The following MLEC variants were observed in gnomAD, a reference collection of about 807,000 sequenced individuals.
MLEC encodes malectin, also known as oligosaccharyltransferase complex subunit (non-catalytic).
MLEC carries 7 observed loss-of-function variants against 28.7 expected under a neutral mutation model. The observed-to-expected ratio is 0.24, with a 90% CI of 0.14 to 0.46. The LOEUF is 0.46. Among genes scored for constraint, MLEC ranks in the 20% least tolerant of loss-of-function variants. The pLI is 0.99. For synonymous variants in MLEC, 142 were observed against 164.4 expected (o/e 0.86, Z 1.04); for missense variants, 237 against 391.1 (o/e 0.61, Z 3.32).
At chr12:120,688,309 T>G (rs954902192) in intron 1 of MLEC, among the ~76,000 whole-genome samples, 1 of 152,162 alleles carries the variant, frequency 6.6e-6, no homozygotes, top group Admixed American at 6.5e-5. Context: ...TTCCCAAAGT[T>G]AGTGTGTGTC....
In MLEC at chr12:120,687,212, G is replaced by C; in HGVS notation, c.-85G>C. On this transcript the variant is annotated 5_prime_UTR_variant, in exon 1 of 5. Transcript: ENST00000228506. The surrounding 1 kb of genome is among the most constrained non-coding windows in gnomAD (Gnocchi z 8.1). ...CGGCGGCTCAGGCGGAGCGGCCCGT[G>C]GCGCTGTTTTTCTGAGTCCGGGGTG... 2.3e-6 allele frequency: 3 copies of C among 1,298,728 alleles called. No homozygotes were observed. 80.5% of individuals were successfully genotyped at this position (1,298,728 alleles called of 1,614,324 possible).
rs764823024 is a variant in MLEC at position 120,696,434 on chromosome 12, A to G, written c.768A>G (p.Ser256=). The change falls in exon 5 of 5, where the codon TCA becomes TCG. Residue 256 remains serine (S), a synonymous_variant. Coordinates refer to ENST00000228506, the MANE Select transcript of MLEC (RefSeq NM_014730.4). The surrounding 1 kb of genome is among the most constrained non-coding windows in gnomAD (Gnocchi z 5.4). ...AGACCAATAAGAACCGGGTGCAGTC[A>G]GGCCCCCGCACACCCAACCCCTATG... ...KKQTNKNRVQ[S]GPRTPNPYAS... 6.2e-7 allele frequency: 1 copy of G among 1,614,180 alleles called. No individual in the cohort carries two copies.
At position 120,694,197 on chromosome 12, in the gene MLEC, C is replaced by T. The variant is rs764401847; in HGVS notation, c.342C>T (p.Pro114=). The T allele has an allele frequency of 6.2e-6, 10 of 1,614,006 alleles. No homozygotes were observed. The East Asian group carries it at 1.8e-4, about 29-fold the overall frequency. ...YNEETFGYEV[P]IKEEGDYVLV... ...AGGAGACCTTTGGCTACGAAGTGCC[C>T]ATCAAAGAGGAGGGGGACTACGTGC... Residue 114 remains proline, a synonymous_variant, in exon 2 of 5, where the codon CCC becomes CCT. Transcript: ENST00000228506. This position sits in a 1 kb window ranked among gnomAD's most constrained non-coding sequence, Gnocchi z 4.5.
At position 120,687,159 on chromosome 12, in the gene MLEC, A is replaced by G. The variant is rs1254126937; in HGVS notation, c.-138A>G. 3 of 966,224 alleles carry G rather than the reference A, an allele frequency of 3.1e-6. No individual in the cohort carries two copies. The highest frequency in any genetic ancestry group is 8.3e-5 in the South Asian group (2 of 24,066). The allele number at this position is 966,224 out of a possible 1,614,324, so 59.9% of individuals were successfully genotyped here. A position where few individuals can be genotyped will look rare whatever the true frequency, so the allele number is the denominator to read the frequency against. Reference sequence around the variant, plus strand: ...TGGGAGGCGGTACCCGTGGCTGAGAAGAAGGAGGCCTGAGAGCGACATGTC... The same window carrying G: ...TGGGAGGCGGTACCCGTGGCTGAGAGGAAGGAGGCCTGAGAGCGACATGTC... On this transcript the variant is annotated 5_prime_UTR_variant, in exon 1 of 5. Coordinates refer to ENST00000228506, the MANE Select transcript of MLEC (RefSeq NM_014730.4). This position sits in a 1 kb window ranked among gnomAD's most constrained non-coding sequence, Gnocchi z 8.1.
chr12:120,687,334 C>T lies in MLEC; in HGVS notation c.38C>T (p.Ala13Val), dbSNP rs781308496. The change falls in exon 1 of 5, where the codon GCG becomes GTG. Residue 13 changes from alanine to valine, a missense_variant. Ala to Val is a moderately conservative substitution (Grantham distance 64). Coordinates refer to ENST00000228506, the MANE Select transcript of MLEC (RefSeq NM_014730.4). The surrounding 1 kb of genome is among the most constrained non-coding windows in gnomAD (Gnocchi z 8.1). ...GAWAVEGTAV[A>V]LLRLLLLLLP... ...TGGGCGGTTGAGGGAACCGCTGTGGCGCTCCTGCGACTGCTGCTGCTGCTG... is the reference window on the plus strand; with the variant it reads ...TGGGCGGTTGAGGGAACCGCTGTGGTGCTCCTGCGACTGCTGCTGCTGCTG... 1.7e-5 allele frequency: 24 copies of T among 1,395,248 alleles called. No individual in the cohort carries two copies. In the South Asian group the frequency reaches 4.1e-4, roughly 24 times the overall value. The allele number at this position is 1,395,248 out of a possible 1,614,324, so 86.4% of individuals were successfully genotyped here.
At position 120,687,541 on chromosome 12, in the gene MLEC, C is replaced by A; in HGVS notation, c.235+10C>A. On this transcript the variant is annotated intron_variant, in intron 1 of 4. Transcript: ENST00000228506. The surrounding 1 kb of genome is among the most constrained non-coding windows in gnomAD (Gnocchi z 8.1). ...GGCCGGGTGGGCCGAGGTGAGAGTC[C>A]CCCTGCCGAGCCGCGGGATCCAGGG... 6.7e-7 allele frequency: 1 copy of A among 1,492,808 alleles called. No homozygotes were observed. The highest frequency in any genetic ancestry group is 8.9e-7 in the Non-Finnish European group (1 of 1,121,814). The allele number at this position is 1,492,808 out of a possible 1,614,324, so 92.5% of individuals were successfully genotyped here. A position where few individuals can be genotyped will look rare whatever the true frequency, so the allele number is the denominator to read the frequency against.
chr12:120,690,646 G>C (rs1415931559), intron 1 of MLEC, among the ~76,000 whole-genome samples: 1 of 152,098 alleles, frequency 6.6e-6, no homozygotes, highest in Non-Finnish European at 1.5e-5. Flanking sequence ...CATAGCTCCA[G>C]AGGGGAAAAA....
Position 120,694,366 on chromosome 12 carries a change from A to T in MLEC, c.414+97A>T. ...TAGAGAGTGTGAGAGTCTCTCCAGAAAGGCAGAACAGATGAGCTCTAGAGA... is the reference window on the plus strand; with the variant it reads ...TAGAGAGTGTGAGAGTCTCTCCAGATAGGCAGAACAGATGAGCTCTAGAGA... On this transcript the variant is annotated intron_variant, in intron 2 of 4. Coordinates refer to ENST00000228506, the MANE Select transcript of MLEC (RefSeq NM_014730.4). This position sits in a 1 kb window ranked among gnomAD's most constrained non-coding sequence, Gnocchi z 4.5. 7.8e-7 allele frequency: 1 copy of T among 1,282,832 alleles called. No individual in the cohort carries two copies. Among genetic ancestry groups the T allele is most frequent in the Non-Finnish European group, 1.1e-6 (1 of 920,730 alleles). 79.5% of individuals were successfully genotyped at this position (1,282,832 alleles called of 1,614,324 possible).
chr12:120,693,969 T>C (rs1009674782), intron 1 of MLEC, 122 bp from the exon 2 acceptor site: 2 of 802,082 alleles, frequency 2.5e-6, no homozygotes, highest in Admixed American at 5.7e-5. Context: ...GCAGAGTGGG[T>C]GGCCCCTTTT....
intron 1 of MLEC, among the ~76,000 whole-genome samples, chr12:120,691,211 G>GT (rs1882024186): frequency 6.6e-6 from 1 of 152,208 alleles, no homozygotes; most frequent in Admixed American, 6.5e-5. Flanking sequence ...ACTGCCTTGA[G>GT]TGGAGGCATT....
chr12:120,694,523 G>A lies in MLEC; in HGVS notation c.414+254G>A, dbSNP rs1013851205. 2.0e-5 allele frequency among the ~76,000 whole-genome samples: 3 copies of A among 152,098 alleles called. No homozygotes were observed. The highest frequency in any genetic ancestry group is 1.3e-4 in the Admixed American group (2 of 15,260). ...TGGCTACTTCCCTCCATGGTTTGCC[G>A]CACCTTCTTGTTTTTAGCCTTATTT... On this transcript the variant is annotated intron_variant, in intron 2 of 4. Transcript: ENST00000228506. This position sits in a 1 kb window ranked among gnomAD's most constrained non-coding sequence, Gnocchi z 4.5.
At position 120,700,029 on chromosome 12, in the gene MLEC, G is replaced by C. The variant is rs2137425553; in HGVS notation, c.*3484G>C. ...ATATGGTTTCTAAAATCTCAGCTGA[G>C]AACTTCAGAAAACAGCAGCAGTATT... On this transcript the variant is annotated 3_prime_UTR_variant, in exon 5 of 5. Coordinates refer to ENST00000228506, the MANE Select transcript of MLEC (RefSeq NM_014730.4). The surrounding 1 kb of genome is among the most constrained non-coding windows in gnomAD (Gnocchi z 4.0). 6.5e-6 allele frequency: 1 copy of C among 152,726 alleles called. No homozygotes were observed. The highest frequency in any genetic ancestry group is 2.4e-5 in the African/African-American group (1 of 41,562). 9.5% of individuals were successfully genotyped at this position (152,726 alleles called of 1,614,324 possible). A position where few individuals can be genotyped will look rare whatever the true frequency, so the allele number is the denominator to read the frequency against.
intron 1 of MLEC, among the ~76,000 whole-genome samples, chr12:120,689,573 G>C (rs1397896917): frequency 6.6e-6 from 1 of 152,196 alleles, no homozygotes; most frequent in Non-Finnish European, 1.5e-5. Flanking sequence ...CATTTTGCTG[G>C]CTTTAGGTCG....
At chr12:120,695,627 A>T (rs951887745) in intron 4 of MLEC, among the ~76,000 whole-genome samples, 1 of 152,196 alleles carries the variant, frequency 6.6e-6, no homozygotes, top group Non-Finnish European at 1.5e-5. Flanking sequence ...TATCCTTGGG[A>T]TCAAGTCTTA....
intron 1 of MLEC, among the ~76,000 whole-genome samples, chr12:120,690,783 G>A (rs981369117): frequency 3.3e-5 from 5 of 152,148 alleles, no homozygotes; most frequent in Admixed American, 2.6e-4. Context: ...TTGAAACATG[G>A]GATGAGAGAG....
In MLEC at chr12:120,694,410, C is replaced by T; in HGVS notation, c.414+141C>T. ...CTAGAGAAGCATGTTCCATAGTGCACAAGGCTGCACTTGCCTTGGGGGTGA... is the reference window on the plus strand; with the variant it reads ...CTAGAGAAGCATGTTCCATAGTGCATAAGGCTGCACTTGCCTTGGGGGTGA... On this transcript the variant is annotated intron_variant, in intron 2 of 4. Transcript: ENST00000228506. The surrounding 1 kb of genome is among the most constrained non-coding windows in gnomAD (Gnocchi z 4.5). 1 of 859,704 alleles carries T rather than the reference C, an allele frequency of 1.2e-6. No individual in the cohort carries two copies. Among genetic ancestry groups the T allele is most frequent in the Non-Finnish European group, 1.7e-6 (1 of 572,110 alleles). 53.3% of individuals were successfully genotyped at this position (859,704 alleles called of 1,614,324 possible).
chr12:120,695,720 T>G (rs769418741), intron 4 of MLEC, among the ~76,000 whole-genome samples: 1 of 152,230 alleles, frequency 6.6e-6, no homozygotes, highest in Non-Finnish European at 1.5e-5. Flanking sequence ...TGCGTCTTTG[T>G]GACATTTCTC....
rs903976120 is a variant in MLEC, at chr12:120,694,748, C to T, written c.415-76C>T. On this transcript the variant is annotated intron_variant, in intron 2 of 4. Coordinates refer to ENST00000228506, the MANE Select transcript of MLEC (RefSeq NM_014730.4). This position sits in a 1 kb window ranked among gnomAD's most constrained non-coding sequence, Gnocchi z 4.5. ...TATTTTTGAACTTCAAGCCCAAACA[C>T]GTGCATGATGTCCAACTGCTTGAAA... 4.4e-6 allele frequency: 6 copies of T among 1,373,904 alleles called. No individual in the cohort carries two copies. The highest frequency in any genetic ancestry group is 6.0e-6 in the Non-Finnish European group (6 of 996,666). The allele number at this position is 1,373,904 out of a possible 1,614,324, so 85.1% of individuals were successfully genotyped here. A position where few individuals can be genotyped will look rare whatever the true frequency, so the allele number is the denominator to read the frequency against.
In MLEC at chr12:120,694,937, G is replaced by A. The variant is rs747539583; in HGVS notation, c.528G>A (p.Gly176=). 2.5e-6 allele frequency: 4 copies of A among 1,614,122 alleles called. No homozygotes were observed. The highest frequency in any genetic ancestry group is 3.3e-5 in the Admixed American group (2 of 60,004). The change falls in exon 3 of 5, where the codon GGG becomes GGA. Residue 176 remains glycine (G), a synonymous_variant. Coordinates refer to ENST00000228506, the MANE Select transcript of MLEC (RefSeq NM_014730.4). This position sits in a 1 kb window ranked among gnomAD's most constrained non-coding sequence, Gnocchi z 4.5. ...TTATACCTATGAGCATCAGAAAGGGGAAGCTGAGTGTCCAGGGGGAGGTGT... is the reference window on the plus strand; with the variant it reads ...TTATACCTATGAGCATCAGAAAGGGAAAGCTGAGTGTCCAGGGGGAGGTGT... ...DEIIPMSIRK[G]KLSVQGEVST... is the part of the protein sequence containing the mutation.
Sources: allele counts gnomAD v4.1 joint callset (sites outside exome capture counted in the v4.1 genomes callset), GRCh38; gene constraint gnomAD v4.1.1; non-coding constraint Gnocchi (gnomAD v3.1); transcripts MANE v1.5; gene names NCBI Gene and HGNC (gene_info 2026-07-23, HGNC 2026-07-21).